Variants in ARHGEF10 observed in about 807,000 individuals in gnomAD.
ARHGEF10 encodes the protein Rho guanine nucleotide exchange factor (GEF) 10.
Under a neutral mutation model 147.4 loss-of-function variants are expected in ARHGEF10, and 140 were observed. That is an observed-to-expected ratio of 0.95 (90% CI 0.83 to 1.09). The LOEUF is 1.09. ARHGEF10 is among the 50% of genes least tolerant of loss of function. The pLI, the probability that ARHGEF10 is intolerant of heterozygous loss-of-function variation, is 0.00. For missense variants in ARHGEF10, 2,222 were observed against 1,752.7 expected, an observed-to-expected ratio of 1.27 and a Z score of -4.78; for synonymous variants, 902 against 695.8, an observed-to-expected ratio of 1.30 and a Z score of -4.67.
At chr8:1,912,951 G>C (rs1018590512) in intron 18 of ARHGEF10, among the ~76,000 whole-genome samples, 1 of 152,274 alleles carries the variant, frequency 6.6e-6, no homozygotes, top group East Asian at 1.9e-4. Flanking sequence ...CCACCCGGCC[G>C]CTGTTCCTTC....
At chr8:1,864,993 T>G (rs1356352648) in intron 5 of ARHGEF10, among the ~76,000 whole-genome samples, 5 of 152,238 alleles carry the variant, frequency 3.3e-5, no homozygotes. Flanking sequence ...AGGAATTATT[T>G]TGAAGAAAAT....
chr8:1,924,708 T>G (rs939354047), intron 21 of ARHGEF10, among the ~76,000 whole-genome samples: 6 of 152,194 alleles, frequency 3.9e-5, no homozygotes. Flanking sequence ...CAGGTCAGGT[T>G]CAGAGTGACT....
chr8:1,845,606 C>T (rs1804495800), intron 2 of ARHGEF10, among the ~76,000 whole-genome samples: 1 of 152,200 alleles, frequency 6.6e-6, no homozygotes, highest in African/African-American at 2.4e-5. Flanking sequence ...CTGTTTTGCC[C>T]TCTGTTTCAA....
chr8:1,918,704 C>T (rs1248337209), intron 18 of ARHGEF10, among the ~76,000 whole-genome samples: 2 of 152,140 alleles, frequency 1.3e-5, no homozygotes, highest in African/African-American at 4.8e-5. Context: ...TATACAATAC[C>T]TTATTAACTA....
At chr8:1,913,523 C>T (rs1280252889) in intron 18 of ARHGEF10, among the ~76,000 whole-genome samples, 9 of 152,210 alleles carry the variant, frequency 5.9e-5, no homozygotes, top group Non-Finnish European at 1.2e-4. Flanking sequence ...CTGTGTTCCT[C>T]GCTGTAAGGT....
chr8:1,898,348 C>A, intron 14 of ARHGEF10, 85 bp from the exon 15 acceptor site: 1 of 1,179,608 alleles, frequency 8.5e-7, no homozygotes, highest in African/African-American at 1.5e-5. Context: ...CCCGAGTGTT[C>A]AGTGTGGTGG....
In ARHGEF10 at chr8:1,928,418, C is replaced by T. The variant is rs201349540; in HGVS notation, c.2698-9C>T. 1 of 1,592,000 alleles carries T rather than the reference C, an allele frequency of 6.3e-7. No homozygotes were observed. Among genetic ancestry groups the T allele is most frequent in the Non-Finnish European group, 8.6e-7 (1 of 1,165,484 alleles). ...CGTTTTCTTCTTTCCTCCTAATTCT[C>T]TGATTCAGATCGGAAGTTGCACCCA... On this transcript the variant is annotated splice_polypyrimidine_tract_variant and intron_variant, in intron 23 of 28. Transcript: ENST00000349830.
intron 17 of ARHGEF10, among the ~76,000 whole-genome samples, chr8:1,908,123 T>G (rs781629330): frequency 6.6e-6 from 1 of 151,870 alleles, no homozygotes; most frequent in Non-Finnish European, 1.5e-5. Flanking sequence ...TGCTCTGGTG[T>G]AAGAAGGAAC....
rs531913190 is a variant in ARHGEF10, at chr8:1,926,550, C to T, written c.2697+87C>T. The T allele has an allele frequency of 4.7e-5, 60 of 1,283,026 alleles. 1 individual carries two copies. The East Asian group carries it at 1.3e-3, about 28-fold the overall frequency. The allele number at this position is 1,283,026 out of a possible 1,614,324, so 79.5% of individuals were successfully genotyped here. On this transcript the variant is annotated intron_variant, in intron 23 of 28. Coordinates refer to ENST00000349830, the MANE Select transcript of ARHGEF10 (RefSeq NM_014629.4). ...TGATGAGAGACTGAGATGTGAATTG[C>T]TCAGTAGAGAGTTGGCGGTGGCGTA... is the stretch of plus-strand genomic sequence containing the variant.
At chr8:1,826,168 G>C in intron 1 of ARHGEF10, 1 of 1,569,784 alleles carries the variant, frequency 6.4e-7, no homozygotes, top group Non-Finnish European at 8.6e-7. Flanking sequence ...GGTGCTATTT[G>C]TAATTCATTA....
intron 2 of ARHGEF10, among the ~76,000 whole-genome samples, chr8:1,844,253 C>T (rs555674068): frequency 1.6e-4 from 24 of 152,268 alleles, no homozygotes; most frequent in African/African-American, 3.6e-4. Context: ...CCCCCAACTA[C>T]GTGGACACTC....
intron 1 of ARHGEF10, among the ~76,000 whole-genome samples, chr8:1,827,586 G>A (rs916850459): frequency 2.0e-5 from 3 of 152,200 alleles, no homozygotes; most frequent in African/African-American, 4.8e-5. Flanking sequence ...GATTACAGGC[G>A]TGAGCCACTG....
At chr8:1,857,861 G>A (rs1484952713) in intron 2 of ARHGEF10, 99 bp from the exon 3 acceptor site, 14 of 1,172,842 alleles carry the variant, frequency 1.2e-5, no homozygotes, top group Non-Finnish European at 1.6e-5. Context: ...CAGTGTCTCT[G>A]GCTAACATAG....
intron 26 of ARHGEF10, among the ~76,000 whole-genome samples, chr8:1,935,223 C>T (rs946776529): frequency 6.6e-6 from 1 of 152,178 alleles, no homozygotes; most frequent in Middle Eastern, 3.4e-3. Context: ...CCCCCACAAC[C>T]CCCCATCAGC....
chr8:1,874,587 C>G (rs1370891669), intron 7 of ARHGEF10, among the ~76,000 whole-genome samples: 5 of 152,158 alleles, frequency 3.3e-5, no homozygotes, highest in African/African-American at 7.2e-5. Flanking sequence ...GAGGGACAGT[C>G]CAGATACATA....
chr8:1,873,805 G>A lies in ARHGEF10; in HGVS notation c.680-2766G>A, dbSNP rs1253160243. Among the ~76,000 whole-genome samples, 8 of 152,270 alleles carry A rather than the reference G, an allele frequency of 5.3e-5. No individual in the cohort carries two copies. In the South Asian group the frequency reaches 6.2e-4, roughly 12 times the overall value. ...AGAGTTCGGGGCTCTCAGAACACAG[G>A]GAGAATATGGGAGAATTCCTTACTA... On this transcript the variant is annotated intron_variant, in intron 7 of 28. Transcript: ENST00000349830.
Position 1,945,487 on chromosome 8 carries a change from C to T in ARHGEF10, c.3229C>T (p.Leu1077=). 1 of 1,599,276 alleles carries T rather than the reference C, an allele frequency of 6.3e-7. No homozygotes were observed. Among genetic ancestry groups the T allele is most frequent in the African/African-American group, 1.3e-5 (1 of 74,600 alleles). ...TGACCTCTCGATTTCACAGGGTCAG[C>T]TGGAGGCCCACCAGGAGGAAGGCAT... ...SVETHAVEGQ[L]EAHQEEGMVI... is the part of the protein sequence containing the mutation. The change falls in exon 27 of 29, where the codon CTG becomes TTG. Residue 1077 remains leucine, a synonymous_variant. Coordinates refer to ENST00000349830, the MANE Select transcript of ARHGEF10 (RefSeq NM_014629.4).
upstream of ARHGEF10, among the ~76,000 whole-genome samples, chr8:1,823,455 G>A (rs911385431): frequency 6.6e-6 from 1 of 152,036 alleles, no homozygotes; most frequent in African/African-American, 2.4e-5. Context: ...GTTCTGGGGG[G>A]GGGAGCGTCT....
chr8:1,903,172 T>A (rs982245571), intron 15 of ARHGEF10, 109 bp from the exon 16 acceptor site: 10 of 1,357,492 alleles, frequency 7.4e-6, no homozygotes, highest in African/African-American at 5.7e-5. Flanking sequence ...TTCCCCAGGA[T>A]GGCAGATGCC....
Sources: gnomAD v4.1 joint callset for allele counts (sites outside exome capture counted in the v4.1 genomes callset) on GRCh38, gnomAD v4.1.1 for gene constraint, MANE v1.5 for transcripts, NCBI Gene and HGNC (gene_info 2026-07-23, HGNC 2026-07-21) for gene names.